RGS7: variants seen among roughly 807,000 people sequenced by gnomAD.
RGS7 encodes the protein regulator of G-protein signaling 7.
In RGS7, 27 loss-of-function variants were observed where a neutral mutation model predicts 81.1. The observed-to-expected ratio is 0.33, with a 90% CI of 0.25 to 0.46. RGS7 has a LOEUF of 0.46. Ranked by LOEUF, RGS7 falls within the 20% of genes least tolerant of loss-of-function variation. RGS7 has a pLI of 1.00. For synonymous variants in RGS7, 208 were observed against 207.7 expected, an observed-to-expected ratio of 1.00 and a Z score of -0.01; for missense variants, 396 against 607.4, an observed-to-expected ratio of 0.65 and a Z score of 3.66.
chr1:240,847,478 T>C (rs785978), intron 9 of RGS7, among the ~76,000 whole-genome samples: 123,048 of 151,666 alleles, frequency 0.81, 50,462 homozygotes, highest in African/African-American at 0.93. Flanking sequence ...CATAGCTGTG[T>C]GAGTTATCTT....
chr1:241,255,673 A>T (rs999212528), intron 2 of RGS7, among the ~76,000 whole-genome samples: 18 of 152,194 alleles, frequency 1.2e-4, no homozygotes, highest in African/African-American at 3.9e-4. Flanking sequence ...TTCTTTAGAT[A>T]AATGTGGAGA....
At chr1:240,843,742 G>T (rs960407670) in intron 9 of RGS7, among the ~76,000 whole-genome samples, 2 of 152,302 alleles carry the variant, frequency 1.3e-5, no homozygotes, top group African/African-American at 4.8e-5. Flanking sequence ...AATTAATCCA[G>T]ATTGCTTTTA....
intron 3 of RGS7, among the ~76,000 whole-genome samples, chr1:241,054,319 C>T (rs2061383922): frequency 6.6e-6 from 1 of 152,176 alleles, no homozygotes; most frequent in Admixed American, 6.5e-5. Flanking sequence ...AAATGCAAAT[C>T]TCATAACACA....
intron 2 of RGS7, among the ~76,000 whole-genome samples, chr1:241,191,822 T>C (rs959104182): frequency 6.6e-6 from 1 of 152,248 alleles, no homozygotes; most frequent in African/African-American, 2.4e-5. Context: ...GGTTTACTTG[T>C]AATTTGTTTG....
chr1:241,134,160 C>T (rs2067318017), intron 2 of RGS7, among the ~76,000 whole-genome samples: 2 of 152,142 alleles, frequency 1.3e-5, no homozygotes, highest in Admixed American at 1.3e-4. Flanking sequence ...ATTTCTTTTC[C>T]TCTATCATCC....
chr1:241,068,931 T>A (rs1558670369), intron 3 of RGS7, among the ~76,000 whole-genome samples: 1 of 152,062 alleles, frequency 6.6e-6, no homozygotes, highest in East Asian at 1.9e-4. Context: ...TCTCATGAGA[T>A]TTGGTTGTTT....
intron 18 of RGS7, among the ~76,000 whole-genome samples, chr1:240,793,866 C>G (rs1315113734): frequency 6.6e-6 from 1 of 151,916 alleles, no homozygotes; most frequent in African/African-American, 2.4e-5. Context: ...TCCGCCTCAG[C>G]CTCCCAAAGT....
intron 4 of RGS7, among the ~76,000 whole-genome samples, chr1:240,942,953 A>AT (rs1325459903): frequency 6.6e-6 from 1 of 152,174 alleles, no homozygotes; most frequent in African/African-American, 2.4e-5. Context: ...AAGTAAGTTT[A>AT]TTTTCTCAAC....
At chr1:240,800,807 A>AT (rs1687906980) in intron 17 of RGS7, 86 bp from the exon 18 acceptor site, 1 of 674,294 alleles carries the variant, frequency 1.5e-6, no homozygotes, top group East Asian at 3.0e-5. Flanking sequence ...TACAAAAAAA[A>AT]GAATCTTACA....
intron 3 of RGS7, among the ~76,000 whole-genome samples, chr1:240,990,071 G>C (rs572000940): frequency 6.6e-6 from 1 of 152,324 alleles, no homozygotes; most frequent in Non-Finnish European, 1.5e-5. Context: ...TTAGTCCTAA[G>C]TCTTAATTCC....
intron 2 of RGS7, among the ~76,000 whole-genome samples, chr1:241,212,096 AATT>A (rs1484391134): frequency 6.6e-6 from 1 of 151,584 alleles, no homozygotes; most frequent in Admixed American, 6.6e-5. Flanking sequence ...TTGAGTAATA[AATT>A]ATTCAATTAT....
chr1:241,218,506 A>G (rs2074706288), intron 2 of RGS7, among the ~76,000 whole-genome samples: 1 of 152,222 alleles, frequency 6.6e-6, no homozygotes, highest in South Asian at 2.1e-4. Context: ...GTTCACTCGG[A>G]GAAATGGCTC....
chr1:240,841,535 T>C (rs2147880354), intron 9 of RGS7, among the ~76,000 whole-genome samples: 1 of 152,310 alleles, frequency 6.6e-6, no homozygotes, highest in Admixed American at 6.5e-5. Flanking sequence ...AAGATAAAGC[T>C]AATAACGCCT....
chr1:240,918,924 A>T (rs958568195), intron 6 of RGS7, among the ~76,000 whole-genome samples: 6 of 152,074 alleles, frequency 3.9e-5, no homozygotes, highest in African/African-American at 1.4e-4. Flanking sequence ...TATCCTAAAA[A>T]TAGTAAAAGA....
At chr1:241,001,598 G>A (rs1688148704) in intron 3 of RGS7, among the ~76,000 whole-genome samples, 2 of 152,078 alleles carry the variant, frequency 1.3e-5, no homozygotes, top group African/African-American at 4.8e-5. Flanking sequence ...AAACATCATT[G>A]AGTTCTAAAA....
chr1:240,958,679 T>C (rs1002130571), intron 4 of RGS7, among the ~76,000 whole-genome samples: 2 of 152,174 alleles, frequency 1.3e-5, no homozygotes, highest in Non-Finnish European at 2.9e-5. Flanking sequence ...CTGGATCACT[T>C]AGTGACTTGG....
chr1:240,930,222 C>CTTGTTTTTTTTTTTTTTTTT (rs1675174773), intron 6 of RGS7, among the ~76,000 whole-genome samples: 1 of 113,890 alleles, frequency 8.8e-6, no homozygotes, highest in African/African-American at 3.4e-5. Context: ...TCTTTTTTAG[C>CTTGTTTTTTTTTTTTTTTTT]TTTTTTTTTT....
At chr1:240,994,568 C>A (rs1686987178) in intron 3 of RGS7, among the ~76,000 whole-genome samples, 1 of 151,856 alleles carries the variant, frequency 6.6e-6, no homozygotes, top group Admixed American at 6.6e-5. Context: ...GGTTTTTTTG[C>A]AGATATTTTG....
At chr1:241,032,793 T>G (rs553138559) in intron 3 of RGS7, among the ~76,000 whole-genome samples, 1 of 152,324 alleles carries the variant, frequency 6.6e-6, no homozygotes, top group Admixed American at 6.5e-5. Flanking sequence ...TCATTATTTG[T>G]GTATACAAAT....
Sources: allele counts gnomAD v4.1 joint callset (sites outside exome capture counted in the v4.1 genomes callset), GRCh38; gene constraint gnomAD v4.1.1; transcripts MANE v1.5; gene names NCBI Gene and HGNC (gene_info 2026-07-23, HGNC 2026-07-21).